ENOX2: variants seen among roughly 807,000 people sequenced by gnomAD.
ENOX2 encodes the protein ecto-NOX disulfide-thiol exchanger 2, also known as APK1 antigen.
ENOX2 carries 36 observed loss-of-function variants against 45.0 expected under a neutral mutation model. That is an observed-to-expected ratio of 0.80 (90% CI 0.61 to 1.06). The LOEUF (loss-of-function observed/expected upper bound fraction) is 1.06, where lower values mean the gene tolerates loss of function less well. Among genes scored for constraint, ENOX2 ranks in the 50% least tolerant of loss-of-function variants. The pLI, the probability that ENOX2 is intolerant of heterozygous loss-of-function variation, is 0.00. For missense variants in ENOX2, 423 were observed against 462.5 expected (o/e 0.91, Z 0.78); for synonymous variants, 174 against 152.3 (o/e 1.14, Z -1.05).
intron 4 of ENOX2, among the ~76,000 whole-genome samples, chrX:130,689,639 A>T (rs1387216339): frequency 9.0e-6 from 1 of 111,703 alleles, no homozygotes; most frequent in African/African-American, 3.3e-5. Flanking sequence ...GCCTCCGCAA[A>T]TTCTCCCCAT....
At chrX:130,638,742 T>C (rs1569478490) in intron 10 of ENOX2, among the ~76,000 whole-genome samples, 1 of 111,633 alleles carries the variant, frequency 9.0e-6, no homozygotes, top group Non-Finnish European at 1.9e-5. Flanking sequence ...CAAAGACCCA[T>C]GAGCAGAAAC....
At chrX:130,882,616 G>A (rs912180850) in intron 2 of ENOX2, among the ~76,000 whole-genome samples, 1 of 112,027 alleles carries the variant, frequency 8.9e-6, no homozygotes, top group Non-Finnish European at 1.9e-5. Flanking sequence ...GAAAGAACAT[G>A]AGTAGTAGCA....
chrX:130,707,207 G>C (rs970684292), intron 3 of ENOX2, among the ~76,000 whole-genome samples: 2 of 111,701 alleles, frequency 1.8e-5, no homozygotes, highest in African/African-American at 6.5e-5. Flanking sequence ...CCTACCCCAA[G>C]TCTGAAGAAC....
chrX:130,762,958 C>T (rs931964442), intron 3 of ENOX2, among the ~76,000 whole-genome samples: 1 of 111,195 alleles, frequency 9.0e-6, no homozygotes, highest in African/African-American at 3.3e-5. Context: ...TTTGTCTAAT[C>T]CTCCTTTCAG....
At chrX:130,707,707 G>A (rs777826981) in intron 3 of ENOX2, among the ~76,000 whole-genome samples, 4 of 112,031 alleles carry the variant, frequency 3.6e-5, no homozygotes, top group Admixed American at 9.4e-5. Context: ...TATGCTCACT[G>A]TAATTTTGTT....
chrX:130,858,400 G>T (rs767171190), intron 2 of ENOX2, among the ~76,000 whole-genome samples: 1 of 110,980 alleles, frequency 9.0e-6, no homozygotes, highest in Non-Finnish European at 1.9e-5. Context: ...TTACAGATGT[G>T]AGCCACAGCG....
chrX:130,898,363 G>T (rs372738260), intron 2 of ENOX2, among the ~76,000 whole-genome samples: 1 of 111,861 alleles, frequency 8.9e-6, no homozygotes, highest in Non-Finnish European at 1.9e-5. Flanking sequence ...ATAAAAATAC[G>T]CAAAAGGTTA....
intron 9 of ENOX2, among the ~76,000 whole-genome samples, chrX:130,657,211 A>C (rs2036572665): frequency 8.9e-6 from 1 of 112,098 alleles, no homozygotes; most frequent in African/African-American, 3.2e-5. Context: ...AATAACTATA[A>C]TCTTTGGACA....
chrX:130,713,666 A>G (rs2038251800), intron 3 of ENOX2, among the ~76,000 whole-genome samples: 1 of 111,230 alleles, frequency 9.0e-6, no homozygotes, highest in Non-Finnish European at 1.9e-5. Context: ...CTAGGATTAC[A>G]TCATCACATT....
intron 2 of ENOX2, among the ~76,000 whole-genome samples, chrX:130,821,741 T>TAAAAAAAAAAAAAAAAAAAAA (rs1569505783): frequency 8.3e-5 from 2 of 24,205 alleles, no homozygotes; most frequent in African/African-American, 3.8e-4. Flanking sequence ...AATAAATAAA[T>TAAAAAAAAAAAAAAAAAAAAA]TAAAAAAAAA....
At chrX:130,813,342 G>T in intron 2 of ENOX2, among the ~76,000 whole-genome samples, 1 of 112,421 alleles carries the variant, frequency 8.9e-6, no homozygotes, top group Non-Finnish European at 1.9e-5. Flanking sequence ...TCAGAAGAAT[G>T]ACATTAAACC....
chrX:130,666,147 C>A (rs1453884549), intron 8 of ENOX2, among the ~76,000 whole-genome samples: 1 of 111,548 alleles, frequency 9.0e-6, no homozygotes, highest in Non-Finnish European at 1.9e-5. Context: ...GCAAACTGTA[C>A]CAGAAACTCT....
At chrX:130,642,952 C>A (rs957568100) in intron 10 of ENOX2, among the ~76,000 whole-genome samples, 1 of 111,346 alleles carries the variant, frequency 9.0e-6, no homozygotes, top group African/African-American at 3.3e-5. Context: ...TGAAATGGAA[C>A]CTGTAATATC....
Position 130,891,900 on chromosome X carries a change from G to A in ENOX2, c.-183+9784C>T, listed in dbSNP as rs771424271. Among the ~76,000 whole-genome samples the A allele has an allele frequency of 9.8e-5, 11 of 111,697 alleles. No individual in the cohort carries two copies. The South Asian group carries it at 2.6e-3, about 27-fold the overall frequency. The stretch of plus-strand genomic sequence containing the variant: ...ATTTCATTTTACAGTTTGGTATAAC[G>A]GTTAGGAATACTGGGCTCTGGAGTC... On this transcript the variant is annotated intron_variant, in intron 2 of 14. Coordinates refer to ENST00000394363, the MANE Select transcript of ENOX2 (RefSeq NM_006375.4).
chrX:130,712,286 C>T (rs1348457369), intron 3 of ENOX2, among the ~76,000 whole-genome samples: 1 of 111,679 alleles, frequency 9.0e-6, no homozygotes, highest in African/African-American at 3.3e-5. Context: ...GGAGAGGGCT[C>T]CCCCAGCCCC....
chrX:130,894,169 G>A (rs957067819), intron 2 of ENOX2, among the ~76,000 whole-genome samples: 1 of 111,239 alleles, frequency 9.0e-6, no homozygotes, highest in Non-Finnish European at 1.9e-5. Context: ...CAAGTGATTA[G>A]GGTAAAACCT....
intron 3 of ENOX2, among the ~76,000 whole-genome samples, chrX:130,727,245 A>G (rs1177372776): frequency 8.9e-6 from 1 of 111,931 alleles, no homozygotes; most frequent in Non-Finnish European, 1.9e-5. Flanking sequence ...TTTATGGGGG[A>G]GCAAACCGAG....
At chrX:130,627,088 T>G (rs1284465106) in intron 14 of ENOX2, among the ~76,000 whole-genome samples, 1 of 111,509 alleles carries the variant, frequency 9.0e-6, no homozygotes, top group Non-Finnish European at 1.9e-5. Flanking sequence ...GAGAAGGAAA[T>G]GGACCATGAG....
At chrX:130,772,142 T>A (rs189553475) in intron 3 of ENOX2, among the ~76,000 whole-genome samples, 1 of 112,189 alleles carries the variant, frequency 8.9e-6, no homozygotes, top group African/African-American at 3.2e-5. Context: ...GAAAGGCATC[T>A]CCCGCTTTGT....
Sources: allele counts gnomAD v4.1 joint callset (sites outside exome capture counted in the v4.1 genomes callset), GRCh38; gene constraint gnomAD v4.1.1; transcripts MANE v1.5; gene names NCBI Gene and HGNC (gene_info 2026-07-23, HGNC 2026-07-21).